Variants in KCNH5 observed in about 807,000 individuals in gnomAD.
KCNH5 encodes voltage-gated delayed rectifier potassium channel KCNH5.
A neutral mutation model predicts 96.1 loss-of-function variants in KCNH5; 46 were observed. That is an observed-to-expected ratio of 0.48 (90% CI 0.38 to 0.61). The LOEUF (loss-of-function observed/expected upper bound fraction) is 0.61, where lower values mean the gene tolerates loss of function less well. Among genes scored for constraint, KCNH5 ranks in the 20% least tolerant of loss-of-function variants. The probability of loss-of-function intolerance (pLI) is 0.00; values close to 1 mark genes in which losing one functional copy is unlikely to be tolerated. For missense variants in KCNH5, 907 were observed against 1,225.8 expected (o/e 0.74, Z 3.88); for synonymous variants, 439 against 449.8 (o/e 0.98, Z 0.30).
intron 3 of KCNH5, among the ~76,000 whole-genome samples, chr14:63,005,294 C>T (rs973995801): frequency 6.6e-6 from 1 of 152,174 alleles, no homozygotes; most frequent in African/African-American, 2.4e-5. Context: ...TACTTTGAGG[C>T]AATGTCTCAC....
intron 9 of KCNH5, among the ~76,000 whole-genome samples, chr14:62,799,726 T>TACACACACACACAC (rs67691300): frequency 1.5e-5 from 1 of 68,662 alleles, no homozygotes; most frequent in African/African-American, 5.0e-5. Context: ...TATATATATA[T>TACACACACACACAC]ACACACACAC....
intron 7 of KCNH5, among the ~76,000 whole-genome samples, chr14:62,876,811 TTAAA>T (rs1368165807): frequency 1.3e-5 from 2 of 152,070 alleles, no homozygotes; most frequent in African/African-American, 4.8e-5. Flanking sequence ...GTATGAATAA[TTAAA>T]TAGAGAAAAG....
chr14:63,008,464 T>C lies in KCNH5; in HGVS notation c.198-1992A>G, dbSNP rs76903019. ...GCAGCACCACATTACAACCAGAAATTACAGGGTAACTCAAGCCCACCTTCT... is the reference window on the plus strand; with the variant it reads ...GCAGCACCACATTACAACCAGAAATCACAGGGTAACTCAAGCCCACCTTCT... On this transcript the variant is annotated intron_variant, in intron 2 of 10. Transcript: ENST00000322893. Among the ~76,000 whole-genome samples the C allele has an allele frequency of 9.6e-3, 1,460 of 151,920 alleles. 79 individuals are homozygous for C. In the East Asian group the frequency reaches 0.14, roughly 15 times the overall value.
At chr14:62,858,469 C>T (rs753167883) in intron 7 of KCNH5, among the ~76,000 whole-genome samples, 29 of 152,178 alleles carry the variant, frequency 1.9e-4, no homozygotes, top group Non-Finnish European at 4.1e-4. Flanking sequence ...AAACTAATTT[C>T]ATCTTGAAAG....
At chr14:63,041,370 T>C (rs1238919831) in intron 1 of KCNH5, among the ~76,000 whole-genome samples, 6 of 152,168 alleles carry the variant, frequency 3.9e-5, no homozygotes, top group South Asian at 2.1e-4. Context: ...GGTATCCTAA[T>C]AATGTTCTAG....
intron 8 of KCNH5, among the ~76,000 whole-genome samples, chr14:62,810,371 G>A (rs1196744588): frequency 1.3e-5 from 2 of 151,958 alleles, no homozygotes; most frequent in Admixed American, 6.6e-5. Context: ...ATAAAGGGGA[G>A]GGGGAAATGT....
rs554220897 is a variant in KCNH5 at position 62,947,498 on chromosome 14, A to T, written c.1369+2635T>A. Among the ~76,000 whole-genome samples, 21 of 152,226 alleles carry T rather than the reference A, an allele frequency of 1.4e-4. No individual in the cohort carries two copies. The South Asian group carries it at 3.9e-3, about 29-fold the overall frequency. ...AGAGCCTGCCTGTTCTTGTTCCTAT[A>T]CCTGTACAAGGGTTCATTAGACAAA... On this transcript the variant is annotated intron_variant, in intron 7 of 10. Transcript: ENST00000322893.
intron 10 of KCNH5, among the ~76,000 whole-genome samples, chr14:62,709,256 A>AAAAAAAAG (rs1884518109): frequency 7.1e-6 from 1 of 141,084 alleles, no homozygotes; most frequent in African/African-American, 2.6e-5. Context: ...AAAAAAAAAA[A>AAAAAAAAG]AAATTATCCT....
At chr14:62,827,880 C>A (rs184269321) in intron 8 of KCNH5, among the ~76,000 whole-genome samples, 2 of 152,170 alleles carry the variant, frequency 1.3e-5, no homozygotes, top group Admixed American at 6.5e-5. Context: ...TGGGCACCAA[C>A]TATACACATA....
Position 62,706,671 on chromosome 14 carries a change from C to T in KCNH5, c.*837G>A, listed in dbSNP as rs1595586620. The T allele has an allele frequency of 6.6e-6, 1 of 152,138 alleles. No individual in the cohort carries two copies. The highest frequency in any genetic ancestry group is 2.1e-4 in the South Asian group (1 of 4,828). 9.4% of individuals were successfully genotyped at this position (152,138 alleles called of 1,614,324 possible). A position where few individuals can be genotyped will look rare whatever the true frequency, so the allele number is the denominator to read the frequency against. ...GCATTTATCAGCTTTGGAAATTCAG[C>T]ATCTCTTACATGAATTGTCAAAAGG... is the stretch of plus-strand genomic sequence containing the variant. On this transcript the variant is annotated 3_prime_UTR_variant, in exon 11 of 11. Coordinates refer to ENST00000322893, the MANE Select transcript of KCNH5 (RefSeq NM_139318.5).
chr14:62,782,918 G>A (rs971818720), intron 9 of KCNH5, among the ~76,000 whole-genome samples: 7 of 152,006 alleles, frequency 4.6e-5, no homozygotes, highest in African/African-American at 9.7e-5. Context: ...ATCTGTACAC[G>A]GTATTCTCTT....
chr14:62,962,147 T>A (rs1043990900), intron 6 of KCNH5, among the ~76,000 whole-genome samples: 1 of 152,074 alleles, frequency 6.6e-6, no homozygotes, highest in Non-Finnish European at 1.5e-5. Flanking sequence ...GAGATGGAGA[T>A]GAGAAGGCAC....
chr14:62,754,888 GTAAAATAAAA>G (rs567937783), intron 10 of KCNH5, among the ~76,000 whole-genome samples: 15 of 134,020 alleles, frequency 1.1e-4, no homozygotes, highest in East Asian at 2.2e-4. Flanking sequence ...ATAAAATAAA[GTAAAATAAAA>G]TAAAATAAAA....
chr14:62,993,635 C>A (rs1400582119), intron 4 of KCNH5, among the ~76,000 whole-genome samples: 1 of 152,062 alleles, frequency 6.6e-6, no homozygotes, highest in African/African-American at 2.4e-5. Flanking sequence ...CTGAACACAT[C>A]TGGAATTACC....
intron 10 of KCNH5, among the ~76,000 whole-genome samples, chr14:62,732,924 C>G (rs1355127483): frequency 6.6e-6 from 1 of 151,896 alleles, no homozygotes; most frequent in Non-Finnish European, 1.5e-5. Context: ...CTCCTCTCTT[C>G]TATTCTCTCT....
chr14:62,913,702 T>A (rs1402336742), intron 7 of KCNH5, among the ~76,000 whole-genome samples: 6 of 152,174 alleles, frequency 3.9e-5, no homozygotes, highest in Middle Eastern at 3.2e-3. Context: ...CAAGCTTAGA[T>A]GGCTTTTACT....
At chr14:62,753,830 C>T (rs949185887) in intron 10 of KCNH5, among the ~76,000 whole-genome samples, 1 of 152,136 alleles carries the variant, frequency 6.6e-6, no homozygotes, top group African/African-American at 2.4e-5. Context: ...ATCTGTCCTA[C>T]AAGAAATGCT....
intron 10 of KCNH5, among the ~76,000 whole-genome samples, chr14:62,737,642 T>A (rs2139931294): frequency 6.6e-6 from 1 of 152,294 alleles, no homozygotes; most frequent in African/African-American, 2.4e-5. Flanking sequence ...AGAATGAAAG[T>A]GATTCTGTAT....
chr14:62,873,382 A>C (rs1208150501), intron 7 of KCNH5, among the ~76,000 whole-genome samples: 1 of 152,130 alleles, frequency 6.6e-6, no homozygotes, highest in Non-Finnish European at 1.5e-5. Flanking sequence ...GTGGCTCTTG[A>C]GTGAAAGAAG....
Sources: gnomAD v4.1 joint callset for allele counts (sites outside exome capture counted in the v4.1 genomes callset) on GRCh38, gnomAD v4.1.1 for gene constraint, MANE v1.5 for transcripts, NCBI Gene and HGNC (gene_info 2026-07-23, HGNC 2026-07-21) for gene names.